STXBP5L: variants seen among roughly 807,000 people sequenced by gnomAD.
STXBP5L encodes the protein syntaxin binding protein 5L, also known as syntaxin-binding protein 5-like.
A neutral mutation model predicts 144.5 loss-of-function variants in STXBP5L; 65 were observed. That is an observed-to-expected ratio of 0.45 (90% confidence interval 0.37 to 0.55). The LOEUF (loss-of-function observed/expected upper bound fraction) is 0.55, where lower values mean the gene tolerates loss of function less well. Among genes scored for constraint, STXBP5L ranks in the 20% least tolerant of loss-of-function variants. The pLI, the probability that STXBP5L is intolerant of heterozygous loss-of-function variation, is 0.00. For missense variants in STXBP5L, 1,298 were observed against 1,405.5 expected (o/e 0.92, Z 1.22); for synonymous variants, 505 against 469.6 (o/e 1.08, Z -0.97).
chr3:120,919,297 A>G (rs1457164123), intron 2 of STXBP5L, among the ~76,000 whole-genome samples: 4 of 152,128 alleles, frequency 2.6e-5, no homozygotes, highest in Non-Finnish European at 2.9e-5. Context: ...ATAGAATTAT[A>G]TAGCAAAAAG....
At chr3:121,093,124 A>G (rs910289667) in intron 5 of STXBP5L, among the ~76,000 whole-genome samples, 1 of 152,204 alleles carries the variant, frequency 6.6e-6, no homozygotes, top group Non-Finnish European at 1.5e-5. Flanking sequence ...GATGAAGCCC[A>G]TTTGATCATG....
At chr3:121,297,202 ATGTGTG>A (rs71133526) in intron 19 of STXBP5L, among the ~76,000 whole-genome samples, 8,951 of 148,290 alleles carry the variant, frequency 0.06, 461 homozygotes, top group African/African-American at 0.15. Context: ...TCTACATTAT[ATGTGTG>A]TGTGTGTGTG....
chr3:121,191,920 G>T (rs1161010467), intron 9 of STXBP5L, among the ~76,000 whole-genome samples: 1 of 150,402 alleles, frequency 6.6e-6, no homozygotes, highest in Admixed American at 6.6e-5. Flanking sequence ...CACAGGGTGG[G>T]GAACATCACA....
chr3:121,095,177 C>A (rs1002766254), intron 5 of STXBP5L, among the ~76,000 whole-genome samples: 1 of 152,110 alleles, frequency 6.6e-6, no homozygotes, highest in African/African-American at 2.4e-5. Flanking sequence ...GACGAGCTTC[C>A]CTTTGTGGGT....
chr3:121,373,447 A>G (rs1467091256), intron 20 of STXBP5L, among the ~76,000 whole-genome samples: 3 of 152,152 alleles, frequency 2.0e-5, no homozygotes, highest in Non-Finnish European at 2.9e-5. Context: ...CTACAATATG[A>G]TGCCATTTTG....
intron 7 of STXBP5L, among the ~76,000 whole-genome samples, chr3:121,135,149 A>C (rs1577038355): frequency 1.3e-5 from 2 of 152,278 alleles, no homozygotes; most frequent in South Asian, 4.1e-4. Context: ...CATTTCTCTG[A>C]TGGCCAGTGA....
At chr3:121,319,056 A>C (rs906669887) in intron 20 of STXBP5L, among the ~76,000 whole-genome samples, 16 of 152,182 alleles carry the variant, frequency 1.1e-4, no homozygotes, top group African/African-American at 3.9e-4. Context: ...TGTGAGAATA[A>C]AGATTCCTAG....
At chr3:121,318,727 T>C (rs2043868156) in intron 20 of STXBP5L, among the ~76,000 whole-genome samples, 187 bp downstream of exon 20, 1 of 152,324 alleles carries the variant, frequency 6.6e-6, no homozygotes, top group Non-Finnish European at 1.5e-5. Flanking sequence ...TAAAATATTT[T>C]TATCTCAAAA....
intron 4 of STXBP5L, among the ~76,000 whole-genome samples, chr3:121,043,843 T>C (rs960651414): frequency 6.6e-6 from 1 of 152,246 alleles, no homozygotes; most frequent in Non-Finnish European, 1.5e-5. Flanking sequence ...GTATAGCATG[T>C]AACTATCTCT....
chr3:121,002,623 A>T (rs766460630), intron 3 of STXBP5L, among the ~76,000 whole-genome samples: 7 of 152,206 alleles, frequency 4.6e-5, no homozygotes, highest in Middle Eastern at 6.8e-3. Flanking sequence ...GATCAGTATC[A>T]AAGTATTTTT....
chr3:121,388,932 T>C (rs1576337525), intron 22 of STXBP5L, among the ~76,000 whole-genome samples: 1 of 152,348 alleles, frequency 6.6e-6, no homozygotes, highest in East Asian at 1.9e-4. Flanking sequence ...ATTCCCTCTT[T>C]TTCTATTGAT....
chr3:120,909,772 G>A lies in STXBP5L; in HGVS notation c.189+5G>A. 6.2e-7 allele frequency: 1 copy of A among 1,609,970 alleles called. No individual in the cohort carries two copies. Among genetic ancestry groups the A allele is most frequent in the Non-Finnish European group, 8.5e-7 (1 of 1,178,894 alleles). On this transcript the variant is annotated splice_donor_5th_base_variant and intron_variant, in intron 2 of 26. Transcript: ENST00000471454. ...GAGTATTTCCAGATTTGCAAGGTAA[G>A]TTTTGAATTGGCTTAAAGCCTATTA...
intron 5 of STXBP5L, among the ~76,000 whole-genome samples, chr3:121,101,121 A>C (rs1396613006): frequency 6.6e-6 from 1 of 151,186 alleles, no homozygotes; most frequent in Non-Finnish European, 1.5e-5. Context: ...ACAAAAAAAA[A>C]GCTCCAGACA....
At chr3:121,417,755 G>A (rs112930385) in intron 25 of STXBP5L, among the ~76,000 whole-genome samples, 23 of 152,280 alleles carry the variant, frequency 1.5e-4, no homozygotes, top group African/African-American at 4.1e-4. Flanking sequence ...GTGAGCCACC[G>A]TGCCCAGCCA....
At chr3:121,276,246 G>A (rs982123606) in intron 18 of STXBP5L, among the ~76,000 whole-genome samples, 45 of 151,832 alleles carry the variant, frequency 3.0e-4, no homozygotes, top group African/African-American at 1.0e-3. Context: ...TAAATGGAAT[G>A]ATACCACTTT....
intron 2 of STXBP5L, among the ~76,000 whole-genome samples, chr3:120,916,349 G>T (rs1709100026): frequency 6.6e-6 from 1 of 152,156 alleles, no homozygotes; most frequent in South Asian, 2.1e-4. Flanking sequence ...TGCCCAGGCT[G>T]GAGTGCAATG....
intron 7 of STXBP5L, among the ~76,000 whole-genome samples, chr3:121,146,322 G>A (rs1336942815): frequency 6.6e-6 from 1 of 151,880 alleles, no homozygotes; most frequent in Admixed American, 6.6e-5. Context: ...AATTTGATAA[G>A]TCATGAAAAA....
intron 3 of STXBP5L, among the ~76,000 whole-genome samples, chr3:121,016,203 G>A (rs564630394): frequency 1.3e-5 from 2 of 152,082 alleles, no homozygotes; most frequent in African/African-American, 2.4e-5. Context: ...AAATTACAAG[G>A]CATTCCAAAG....
intron 15 of STXBP5L, among the ~76,000 whole-genome samples, chr3:121,253,989 T>A (rs1394016337): frequency 6.6e-6 from 1 of 151,906 alleles, no homozygotes; most frequent in Non-Finnish European, 1.5e-5. Flanking sequence ...AAATCCAGGA[T>A]TATTTTTGCA....
Sources: allele counts gnomAD v4.1 joint callset (sites outside exome capture counted in the v4.1 genomes callset), GRCh38; gene constraint gnomAD v4.1.1; transcripts MANE v1.5; gene names NCBI Gene and HGNC (gene_info 2026-07-23, HGNC 2026-07-21).